The following SYCP2 variants were observed in gnomAD, a reference collection of about 807,000 sequenced individuals.
SYCP2 encodes the protein synaptonemal complex lateral element protein.
SYCP2 carries 55 observed loss-of-function variants against 211.3 expected under a neutral mutation model. The observed-to-expected ratio is 0.26, with a 90% CI of 0.21 to 0.33. The LOEUF (loss-of-function observed/expected upper bound fraction) is 0.33. Among genes scored for constraint, SYCP2 ranks in the 10% least tolerant of loss-of-function variants. The pLI is 1.00. For synonymous variants in SYCP2, 570 were observed against 555.2 expected (o/e 1.03, Z -0.37); for missense variants, 1,731 against 1,752.0 (o/e 0.99, Z 0.21).
At chr20:59,880,493 G>T in intron 30 of SYCP2, 22 bp from the exon 31 acceptor site, 1 of 1,433,146 alleles carries the variant, frequency 7.0e-7, no homozygotes, top group Non-Finnish European at 9.5e-7. Flanking sequence ...AGTTTGAAAT[G>T]CATGAAGAAA....
chr20:59,878,009 A>G lies in SYCP2; in HGVS notation c.2978T>C (p.Met993Thr), dbSNP rs755499931. The change falls in exon 32 of 45, where the codon ATG becomes ACG. Residue 993 changes from methionine (M) to threonine (T), a missense_variant and splice_region_variant. Met to Thr is a moderately conservative substitution (Grantham distance 81, BLOSUM62 -1). Transcript: ENST00000357552. ...SLEKGQPSSK[M>T]TPSKNITKKM... ...TTGAACACAAACTTCTTGGCTTACCATTTTAGAGCTTGGCTGTCCCTTTTC... is the reference window on the plus strand; with the variant it reads ...TTGAACACAAACTTCTTGGCTTACCGTTTTAGAGCTTGGCTGTCCCTTTTC... 1.9e-6 allele frequency: 3 copies of G among 1,603,616 alleles called. No individual in the cohort carries two copies. In the African/African-American group the frequency reaches 4.0e-5, roughly 22 times the overall value.
Position 59,865,820 on chromosome 20 carries a change from T to G in SYCP2, c.4366A>C (p.Ser1456Arg). ...IFQKFSAYQK[S>R]EQQRLHLLKT... ...TGTCATACTAACCTCTGTTGTTCGC[T>G]TTTTTGATATGCACTGAACTTCTGA... is the stretch of plus-strand genomic sequence containing the variant. The change falls in exon 42 of 45, where the codon AGC becomes CGC. Residue 1456 changes from serine (S) to arginine (R), a missense_variant. Coordinates refer to ENST00000357552, the MANE Select transcript of SYCP2 (RefSeq NM_014258.4). 2.1e-6 allele frequency: 3 copies of G among 1,435,186 alleles called. No homozygotes were observed. The highest frequency in any genetic ancestry group is 2.8e-6 in the Non-Finnish European group (3 of 1,074,460). 88.9% of individuals were successfully genotyped at this position (1,435,186 alleles called of 1,614,324 possible). A position where few individuals can be genotyped will look rare whatever the true frequency, so the allele number is the denominator to read the frequency against.
At position 59,914,272 on chromosome 20, in the gene SYCP2, G is replaced by A. The variant is rs141450973; in HGVS notation, c.635-21C>T. On this transcript the variant is annotated intron_variant, in intron 10 of 44. Coordinates refer to ENST00000357552, the MANE Select transcript of SYCP2 (RefSeq NM_014258.4). ...ATAATCTATTAAAAAAATAGTTAATGTTTGATTTACAATTATGAAAATTAA... is the reference window on the plus strand; with the variant it reads ...ATAATCTATTAAAAAAATAGTTAATATTTGATTTACAATTATGAAAATTAA... 4 of 1,420,992 alleles carry A rather than the reference G, an allele frequency of 2.8e-6. No individual in the cohort carries two copies. The Admixed American group carries it at 6.4e-5, about 23-fold the overall frequency. 88.0% of individuals were successfully genotyped at this position (1,420,992 alleles called of 1,614,324 possible).
chr20:59,912,901 G>A (rs2060358249), intron 12 of SYCP2, among the ~76,000 whole-genome samples: 1 of 152,178 alleles, frequency 6.6e-6, no homozygotes, highest in Non-Finnish European at 1.5e-5. Flanking sequence ...TGCTATCCAC[G>A]TAAGATGGGA....
intron 7 of SYCP2, among the ~76,000 whole-genome samples, chr20:59,918,086 C>T (rs533900934): frequency 1.3e-5 from 2 of 152,208 alleles, no homozygotes; most frequent in African/African-American, 4.8e-5. Context: ...CCCTACCACA[C>T]AGCAGTCCAA....
At chr20:59,906,545 AATTT>A (rs1445449428) in intron 15 of SYCP2, among the ~76,000 whole-genome samples, 1 of 152,166 alleles carries the variant, frequency 6.6e-6, no homozygotes, top group African/African-American at 2.4e-5. Flanking sequence ...ATCAAATATT[AATTT>A]GAGATTATAA....
chr20:59,915,644 T>G lies in SYCP2; in HGVS notation c.514-94A>C, dbSNP rs558356905. The G allele has an allele frequency of 1.3e-4, 103 of 794,946 alleles. No homozygotes were observed. In the African/African-American group the frequency reaches 1.6e-3, roughly 12 times the overall value. 49.2% of individuals were successfully genotyped at this position (794,946 alleles called of 1,614,324 possible). A position where few individuals can be genotyped will look rare whatever the true frequency, so the allele number is the denominator to read the frequency against. On this transcript the variant is annotated intron_variant, in intron 8 of 44. Transcript: ENST00000357552. ...GGCACATAAACTTAGAAGCCTAATT[T>G]TTTCTTAATCACTGAGTTTTATTAT...
At chr20:59,926,657 G>A (rs6071031) in intron 2 of SYCP2, among the ~76,000 whole-genome samples, 2,951 of 152,064 alleles carry the variant, frequency 0.019, 41 homozygotes, top group Middle Eastern at 0.041. Context: ...TCTTTTTAGG[G>A]GAACACAATT....
At chr20:59,886,349 ACTC>A (rs557878676) in intron 25 of SYCP2, among the ~76,000 whole-genome samples, 1 of 151,978 alleles carries the variant, frequency 6.6e-6, no homozygotes, top group Non-Finnish European at 1.5e-5. Context: ...CTACAAAAAA[ACTC>A]ATATCTGGTT....
At chr20:59,920,337 A>C (rs2060518465) in intron 5 of SYCP2, 22 bp downstream of exon 5, 1 of 1,547,484 alleles carries the variant, frequency 6.5e-7, no homozygotes, top group Non-Finnish European at 8.8e-7. Context: ...TCACATGAAT[A>C]TGTTACATAT....
intron 12 of SYCP2, among the ~76,000 whole-genome samples, chr20:59,913,662 A>G (rs1272498571): frequency 6.6e-6 from 1 of 152,108 alleles, no homozygotes; most frequent in African/African-American, 2.4e-5. Flanking sequence ...ATAATAATGG[A>G]TATGCAACTC....
chr20:59,922,522 A>T (rs762841257), intron 2 of SYCP2, 63 bp from the exon 3 acceptor site: 3 of 820,712 alleles, frequency 3.7e-6, no homozygotes, highest in Non-Finnish European at 5.6e-6. Flanking sequence ...ATCAGTTTAA[A>T]TATCTTACAC....
At chr20:59,875,162 A>G in intron 34 of SYCP2, 109 bp downstream of exon 34, 2 of 682,862 alleles carry the variant, frequency 2.9e-6, no homozygotes, top group East Asian at 2.8e-5. Context: ...TTTAACTACT[A>G]TAATTATAAA....
rs184891383 is a variant in SYCP2, at chr20:59,928,034, G to T, written c.-47+4028C>A. Among the ~76,000 whole-genome samples the T allele has an allele frequency of 1.5e-3, 229 of 152,272 alleles. 1 individual carries two copies. Among genetic ancestry groups the T allele is most frequent in the African/African-American group, 5.1e-3 (211 of 41,552 alleles). On this transcript the variant is annotated intron_variant, in intron 2 of 44. Transcript: ENST00000357552. Reference sequence around the variant, plus strand: ...TTGCAGTGCCTTGGGCAGTAAGTTTGCTCAATTCTGGAGCTCAGTATTAGC... The same window carrying T: ...TTGCAGTGCCTTGGGCAGTAAGTTTTCTCAATTCTGGAGCTCAGTATTAGC...
intron 24 of SYCP2, 89 bp downstream of exon 24, chr20:59,891,901 T>C: frequency 8.8e-7 from 1 of 1,139,608 alleles, no homozygotes; most frequent in Non-Finnish European, 1.2e-6. Context: ...ATGTTAAATG[T>C]GTAGCAATTA....
intron 15 of SYCP2, among the ~76,000 whole-genome samples, chr20:59,905,911 G>A (rs2060205122): frequency 6.6e-6 from 1 of 152,094 alleles, no homozygotes; most frequent in Non-Finnish European, 1.5e-5. Flanking sequence ...GGGAGGGAGT[G>A]CATAAGGATC....
chr20:59,865,759 T>A (rs749101906), intron 42 of SYCP2, 48 bp downstream of exon 42: 1 of 1,134,984 alleles, frequency 8.8e-7, no homozygotes, highest in Non-Finnish European at 1.2e-6. Flanking sequence ...TTTATTAATT[T>A]AAAAATCTAA....
chr20:59,867,595 T>C (rs2059376075), intron 39 of SYCP2, 116 bp downstream of exon 39: 1 of 782,496 alleles, frequency 1.3e-6, no homozygotes, highest in African/African-American at 1.8e-5. Flanking sequence ...TAAGGAAAGT[T>C]GGTTTCATGA....
At chr20:59,871,652 A>G (rs1285837368) in intron 35 of SYCP2, among the ~76,000 whole-genome samples, 1 of 152,008 alleles carries the variant, frequency 6.6e-6, no homozygotes. Context: ...TCTTGTGGAT[A>G]TCAAAATCAG....
Sources: allele counts gnomAD v4.1 joint callset (sites outside exome capture counted in the v4.1 genomes callset), GRCh38; gene constraint gnomAD v4.1.1; transcripts MANE v1.5; gene names NCBI Gene and HGNC (gene_info 2026-07-23, HGNC 2026-07-21).